Variants in MACROD2 observed in about 807,000 individuals in gnomAD.
MACROD2 encodes ADP-ribose glycohydrolase MACROD2.
MACROD2 carries 36 observed loss-of-function variants against 70.4 expected under a neutral mutation model. That is an observed-to-expected ratio of 0.51 (90% CI 0.39 to 0.68). The LOEUF is 0.68. Among genes scored for constraint, MACROD2 ranks in the 30% least tolerant of loss-of-function variants. The probability of loss-of-function intolerance (pLI) is 0.00; values close to 1 mark genes in which losing one functional copy is unlikely to be tolerated. For synonymous variants in MACROD2, 172 were observed against 178.8 expected, an observed-to-expected ratio of 0.96 and a Z score of 0.30; for missense variants, 496 against 538.4, an observed-to-expected ratio of 0.92 and a Z score of 0.78.
intron 4 of MACROD2, among the ~76,000 whole-genome samples, chr20:14,508,407 C>G (rs1406469088): frequency 6.6e-6 from 1 of 152,072 alleles, no homozygotes; most frequent in Non-Finnish European, 1.5e-5. Context: ...GCTAACAGAG[C>G]AGAGACCTCA....
chr20:14,637,453 A>G (rs56151328), intron 4 of MACROD2, among the ~76,000 whole-genome samples: 28,146 of 152,172 alleles, frequency 0.18, 3,346 homozygotes, highest in Non-Finnish European at 0.26. Flanking sequence ...GTTGAGATGA[A>G]TGCTGGGTAA....
chr20:14,144,947 C>A (rs1262900616), intron 3 of MACROD2, among the ~76,000 whole-genome samples: 1 of 152,180 alleles, frequency 6.6e-6, no homozygotes. Flanking sequence ...TTCGCAGCTC[C>A]ATTTCCACTG....
chr20:15,617,741 G>C (rs927552820), intron 8 of MACROD2, among the ~76,000 whole-genome samples: 1 of 152,208 alleles, frequency 6.6e-6, no homozygotes, highest in Non-Finnish European at 1.5e-5. Context: ...ATGGCTTTTG[G>C]TCTCTTACTA....
Position 14,105,707 on chromosome 20 carries a change from C to T in MACROD2, c.271+19979C>T, listed in dbSNP as rs527930458. 2.0e-5 allele frequency among the ~76,000 whole-genome samples: 3 copies of T among 152,254 alleles called. 1 individual carries two copies. In the South Asian group the frequency reaches 6.2e-4, roughly 32 times the overall value. ...GAGTGCACCATCCCTCTTCCAACCC[C>T]AGACAGTGCAGTTTGCAGCAACAAA... is the stretch of plus-strand genomic sequence containing the variant. On this transcript the variant is annotated intron_variant, in intron 3 of 17. Transcript: ENST00000684519.
intron 3 of MACROD2, among the ~76,000 whole-genome samples, chr20:14,473,934 C>T (rs905688380): frequency 1.3e-5 from 2 of 152,010 alleles, no homozygotes; most frequent in African/African-American, 4.8e-5. Context: ...ACTTGTTGGC[C>T]ACTTGTATGT....
chr20:14,084,773 G>A (rs745384034), intron 2 of MACROD2, among the ~76,000 whole-genome samples: 1 of 137,218 alleles, frequency 7.3e-6, no homozygotes, highest in Non-Finnish European at 1.6e-5. Flanking sequence ...GATAAGAAAG[G>A]AGCAGTTTCA....
At chr20:15,775,391 GGGCAGCCTCA>G (rs1488659121) in intron 8 of MACROD2, among the ~76,000 whole-genome samples, 1 of 152,070 alleles carries the variant, frequency 6.6e-6, no homozygotes, top group Non-Finnish European at 1.5e-5. Context: ...AAAAAAGGAA[GGGCAGCCTCA>G]GGCAGATCAG....
At chr20:15,245,562 T>C (rs1261539129) in intron 6 of MACROD2, among the ~76,000 whole-genome samples, 2 of 152,286 alleles carry the variant, frequency 1.3e-5, no homozygotes, top group African/African-American at 2.4e-5. Flanking sequence ...TTACTTATGA[T>C]TTTTTAGTTT....
chr20:15,220,744 T>A (rs2076852842), intron 5 of MACROD2, among the ~76,000 whole-genome samples: 1 of 152,030 alleles, frequency 6.6e-6, no homozygotes, highest in East Asian at 1.9e-4. Flanking sequence ...AGAAACTATT[T>A]CATAAGAAGA....
chr20:14,048,897 G>T (rs1280169707), intron 2 of MACROD2, among the ~76,000 whole-genome samples: 1 of 152,102 alleles, frequency 6.6e-6, no homozygotes, highest in Non-Finnish European at 1.5e-5. Flanking sequence ...AATGACAGCT[G>T]AGAAATAAAA....
chr20:14,039,008 ACTTG>A (rs1283659418), intron 2 of MACROD2, among the ~76,000 whole-genome samples: 1 of 152,166 alleles, frequency 6.6e-6, no homozygotes, highest in African/African-American at 2.4e-5. Flanking sequence ...TGCTCTATGA[ACTTG>A]CTTCTCAAAC....
chr20:14,724,889 A>G (rs1280883661), intron 5 of MACROD2, among the ~76,000 whole-genome samples: 1 of 152,164 alleles, frequency 6.6e-6, no homozygotes, highest in Admixed American at 6.5e-5. Context: ...ATTTTTTTAC[A>G]TATTACTTGG....
rs2064320154 is a variant in MACROD2 at position 15,853,249 on chromosome 20, T to A, written c.646-9496T>A. Among the ~76,000 whole-genome samples the A allele has an allele frequency of 1.3e-5, 2 of 152,124 alleles. 1 individual carries two copies. The highest frequency in any genetic ancestry group is 4.1e-4 in the South Asian group (2 of 4,830). ...CAAGCAACTGATGTTTATGGAGCAT[T>A]TACTCTATGTCAGGCCCTTTGCTGA... On this transcript the variant is annotated intron_variant, in intron 8 of 17. Transcript: ENST00000684519.
At chr20:15,833,541 G>T (rs1209736650) in intron 8 of MACROD2, among the ~76,000 whole-genome samples, 3 of 152,122 alleles carry the variant, frequency 2.0e-5, no homozygotes, top group Non-Finnish European at 4.4e-5. Context: ...GGCTTTAATT[G>T]TTCCTAATAT....
intron 3 of MACROD2, among the ~76,000 whole-genome samples, chr20:14,340,340 A>C (rs1330381398): frequency 6.6e-6 from 1 of 152,080 alleles, no homozygotes. Flanking sequence ...AATCTCTTTG[A>C]GTTTGTTAGC....
chr20:14,735,765 A>C (rs2071656766), intron 5 of MACROD2, among the ~76,000 whole-genome samples: 1 of 152,040 alleles, frequency 6.6e-6, no homozygotes, highest in African/African-American at 2.4e-5. Flanking sequence ...TGGAAGGATC[A>C]CCTGATCCCA....
At chr20:15,483,362 A>G (rs973302227) in intron 7 of MACROD2, among the ~76,000 whole-genome samples, 10 of 152,178 alleles carry the variant, frequency 6.6e-5, no homozygotes, top group African/African-American at 2.2e-4. Context: ...TTAGTTGACT[A>G]TATTTACGAG....
chr20:15,279,302 G>A (rs1453497299), intron 6 of MACROD2, among the ~76,000 whole-genome samples: 1 of 152,130 alleles, frequency 6.6e-6, no homozygotes, highest in Non-Finnish European at 1.5e-5. Context: ...GACCTTTGGA[G>A]AGGCATCTCG....
intron 7 of MACROD2, among the ~76,000 whole-genome samples, chr20:15,490,948 T>C (rs1426558456): frequency 2.6e-5 from 4 of 152,204 alleles, no homozygotes; most frequent in Admixed American, 6.5e-5. Context: ...TACAGTAAAG[T>C]CCAATTACAT....
Sources: gnomAD v4.1 joint callset for allele counts (sites outside exome capture counted in the v4.1 genomes callset) on GRCh38, gnomAD v4.1.1 for gene constraint, MANE v1.5 for transcripts, NCBI Gene and HGNC (gene_info 2026-07-23, HGNC 2026-07-21) for gene names.